Variants in RBFOX1 observed in about 807,000 individuals in gnomAD.
The protein encoded by RBFOX1 is RNA binding fox-1 homolog 1.
RBFOX1 carries 8 observed loss-of-function variants against 57.7 expected under a neutral mutation model. The ratio of observed to expected loss-of-function variants is 0.14; its 90% CI spans 0.08 to 0.25. The LOEUF is 0.25. Among genes scored for constraint, RBFOX1 ranks in the 10% least tolerant of loss-of-function variants. The probability of loss-of-function intolerance (pLI) is 1.00; values close to 1 mark genes in which losing one functional copy is unlikely to be tolerated. For missense variants in RBFOX1, 611 were observed against 548.5 expected (o/e 1.11, Z -1.14); for synonymous variants, 326 against 222.4 (o/e 1.47, Z -4.15).
chr16:7,688,845 A>G (rs1439183752), intron 14 of RBFOX1, among the ~76,000 whole-genome samples: 3 of 152,114 alleles, frequency 2.0e-5, no homozygotes. Context: ...TTATTCTCAA[A>G]GAGGAGTTCA....
At chr16:7,174,949 G>A (rs757957729) in intron 4 of RBFOX1, among the ~76,000 whole-genome samples, 5 of 152,220 alleles carry the variant, frequency 3.3e-5, no homozygotes, top group Non-Finnish European at 5.9e-5. Context: ...TAGTGGGTAT[G>A]TGGTGATATC....
chr16:5,979,895 C>T (rs971799129), intron 4 of RBFOX1, among the ~76,000 whole-genome samples: 3 of 152,110 alleles, frequency 2.0e-5, no homozygotes, highest in African/African-American at 7.2e-5. Context: ...ATTTAAGGTG[C>T]AAGAGGTTAA....
At chr16:5,469,536 G>A (rs924257561) in intron 2 of RBFOX1, among the ~76,000 whole-genome samples, 11 of 152,138 alleles carry the variant, frequency 7.2e-5, no homozygotes, top group African/African-American at 2.7e-4. Context: ...ATGAAGTTAG[G>A]CGTTTTACAG....
rs150619188 is a variant in RBFOX1 at position 7,536,768 on chromosome 16, C to A, written c.270+18379C>A. ...GTCTCTTTCCAACAGGACAGGGATG[C>A]CATGGTAGTAGCTTGTTACCTCCAG... is the stretch of plus-strand genomic sequence containing the variant. On this transcript the variant is annotated intron_variant, in intron 5 of 15. Coordinates refer to ENST00000550418, the MANE Select transcript of RBFOX1 (RefSeq NM_018723.4). 5.2e-3 allele frequency among the ~76,000 whole-genome samples: 785 copies of A among 152,228 alleles called. 2 individuals carry two copies. The highest frequency in any genetic ancestry group is 6.4e-3 in the Non-Finnish European group (432 of 68,020).
At chr16:5,678,012 G>A (rs1170673472) in intron 3 of RBFOX1, among the ~76,000 whole-genome samples, 2 of 152,220 alleles carry the variant, frequency 1.3e-5, no homozygotes, top group Non-Finnish European at 2.9e-5. Context: ...ACATATTTCA[G>A]CTGCTCAGCA....
At chr16:5,787,211 C>T (rs902646056) in intron 3 of RBFOX1, among the ~76,000 whole-genome samples, 1 of 152,192 alleles carries the variant, frequency 6.6e-6, no homozygotes, top group Non-Finnish European at 1.5e-5. Flanking sequence ...CCACAGGGCC[C>T]TTTCACTGGG....
chr16:7,091,913 T>C (rs1444430904), intron 4 of RBFOX1, among the ~76,000 whole-genome samples: 1 of 152,196 alleles, frequency 6.6e-6, no homozygotes, highest in East Asian at 1.9e-4. Flanking sequence ...ATCATGCCAG[T>C]TTAATTTAAG....
Position 5,748,689 on chromosome 16 carries a change from G to A in RBFOX1, c.319-118614G>A, listed in dbSNP as rs1417825514. On this transcript the variant is annotated intron_variant, in intron 3 of 19. Coordinates refer to the RBFOX1 transcript ENST00000641259. ...GTCTGTTTTATCCGAGACTAGGACC[G>A]CAACCCCTGCCTTTTTTGTTTTCCA... Among the ~76,000 whole-genome samples the A allele has an allele frequency of 4.6e-5, 7 of 152,190 alleles. No individual in the cohort carries two copies. The South Asian group carries it at 8.3e-4, about 18-fold the overall frequency.
chr16:7,309,555 C>T (rs1217963263), intron 4 of RBFOX1, among the ~76,000 whole-genome samples: 1 of 152,188 alleles, frequency 6.6e-6, no homozygotes, highest in Non-Finnish European at 1.5e-5. Flanking sequence ...TGCTCACCCG[C>T]CATCTGTTTT....
At chr16:5,761,659 A>C (rs6500718) in intron 3 of RBFOX1, among the ~76,000 whole-genome samples, 26,873 of 152,112 alleles carry the variant, frequency 0.18, 3,275 homozygotes, top group African/African-American at 0.34. Context: ...CCCATGTTTG[A>C]ATTACCTCTC....
chr16:5,843,375 G>A (rs1268081436), intron 3 of RBFOX1, among the ~76,000 whole-genome samples: 2 of 152,188 alleles, frequency 1.3e-5, no homozygotes, highest in Non-Finnish European at 2.9e-5. Flanking sequence ...CTACTTATGA[G>A]GATATGAGGT....
chr16:6,296,883 G>T (rs1394186939), intron 1 of RBFOX1, among the ~76,000 whole-genome samples: 1 of 152,192 alleles, frequency 6.6e-6, no homozygotes, highest in Non-Finnish European at 1.5e-5. Flanking sequence ...AATTCAGGAT[G>T]AGTCTGCAGA....
chr16:6,630,179 T>C (rs916530975), intron 2 of RBFOX1, among the ~76,000 whole-genome samples: 5 of 152,146 alleles, frequency 3.3e-5, no homozygotes, highest in African/African-American at 4.8e-5. Flanking sequence ...AAGTAACTCA[T>C]TGAATGTATT....
At chr16:7,052,346 C>A (rs960008522) in intron 4 of RBFOX1, among the ~76,000 whole-genome samples, 1 of 152,132 alleles carries the variant, frequency 6.6e-6, no homozygotes, top group Admixed American at 6.6e-5. Flanking sequence ...TACTTTTCTT[C>A]TGGAATTTGT....
At chr16:7,587,410 C>T in intron 7 of RBFOX1, 110 bp downstream of exon 7, 14 of 1,166,476 alleles carry the variant, frequency 1.2e-5, no homozygotes, top group Non-Finnish European at 1.6e-5. Context: ...AAATACACTT[C>T]AGTGGGAATT....
intron 1 of RBFOX1, among the ~76,000 whole-genome samples, chr16:5,259,508 A>G (rs561708055): frequency 6.6e-6 from 1 of 152,062 alleles, no homozygotes; most frequent in Non-Finnish European, 1.5e-5. Context: ...CTTCCCCTGG[A>G]TTGTAAACTC....
Position 7,522,276 on chromosome 16 carries a change from A to T in RBFOX1, c.270+3887A>T, listed in dbSNP as rs35218950. Among the ~76,000 whole-genome samples the T allele has an allele frequency of 5.0e-3, 763 of 152,280 alleles. 7 individuals carry two copies. The highest frequency in any genetic ancestry group is 7.9e-3 in the Non-Finnish European group (540 of 68,016). Reference sequence around the variant, plus strand: ...TGGTGTTAATCAAGAGTAGGGAGTGAAGAGAAAGACAAGGACAGAACATTG... The same window carrying T: ...TGGTGTTAATCAAGAGTAGGGAGTGTAGAGAAAGACAAGGACAGAACATTG... On this transcript the variant is annotated intron_variant, in intron 5 of 15. Coordinates refer to ENST00000550418, the MANE Select transcript of RBFOX1 (RefSeq NM_018723.4).
intron 3 of RBFOX1, among the ~76,000 whole-genome samples, chr16:6,985,350 A>G (rs972204929): frequency 1.3e-5 from 2 of 152,206 alleles, no homozygotes; most frequent in Admixed American, 1.3e-4. Flanking sequence ...GCACACACAT[A>G]CATACACAAA....
intron 4 of RBFOX1, among the ~76,000 whole-genome samples, chr16:7,239,152 C>A (rs376170388): frequency 1.3e-5 from 2 of 152,082 alleles, no homozygotes; most frequent in Admixed American, 1.3e-4. Context: ...TTTCCTAAAC[C>A]ATGCAGTTTG....
Sources: allele counts gnomAD v4.1 joint callset (sites outside exome capture counted in the v4.1 genomes callset), GRCh38; gene constraint gnomAD v4.1.1; transcripts MANE v1.5; gene names NCBI Gene and HGNC (gene_info 2026-07-23, HGNC 2026-07-21).